Variants in SLC35D4 observed in about 807,000 individuals in gnomAD.
SLC35D4 encodes the protein UDP-N-acetylglucosamine transporter SLC35D4.
the SLC35D4 span, among the ~76,000 whole-genome samples, chr18:23,376,592 G>T: frequency 6.6e-6 from 1 of 152,222 alleles, no homozygotes; most frequent in Non-Finnish European, 1.5e-5. Context: ...TCTTGGGGCT[G>T]CCCAGGAACA....
chr18:23,288,431 C>T, the SLC35D4 span, among the ~76,000 whole-genome samples: 1 of 152,174 alleles, frequency 6.6e-6, no homozygotes, highest in Non-Finnish European at 1.5e-5. Flanking sequence ...GGCCCCGTCC[C>T]TTCCCTACAC....
At chr18:23,343,607 T>A in the SLC35D4 span, among the ~76,000 whole-genome samples, 14 of 152,148 alleles carry the variant, frequency 9.2e-5, no homozygotes, top group African/African-American at 3.4e-4. Context: ...CCCAGGTTTG[T>A]TATATAGGTA....
chr18:23,393,909 G>T, the SLC35D4 span, among the ~76,000 whole-genome samples: 1 of 152,200 alleles, frequency 6.6e-6, no homozygotes, highest in Non-Finnish European at 1.5e-5. Flanking sequence ...GTGAGACACT[G>T]TGCCCAGCCC....
the SLC35D4 span, among the ~76,000 whole-genome samples, chr18:23,272,544 A>G: frequency 6.6e-6 from 1 of 152,154 alleles, no homozygotes; most frequent in African/African-American, 2.4e-5. Flanking sequence ...GGGGATGAGT[A>G]GGAGATCAGA....
chr18:23,385,395 C>T, the SLC35D4 span, among the ~76,000 whole-genome samples: 1 of 152,202 alleles, frequency 6.6e-6, no homozygotes, highest in East Asian at 1.9e-4. Context: ...GGCAAAAGTG[C>T]ACCCCGCCCG....
chr18:23,310,212 TC>T, the SLC35D4 span: 1 of 985,414 alleles, frequency 1.0e-6, no homozygotes, highest in South Asian at 4.7e-5. Context: ...CATCTCTCCG[TC>T]CTCACCTAAT....
the SLC35D4 span, among the ~76,000 whole-genome samples, chr18:23,264,063 C>T: frequency 2.0e-5 from 3 of 152,222 alleles, no homozygotes; most frequent in African/African-American, 7.2e-5. Flanking sequence ...AATGAGCCAT[C>T]GCAAAACAAA....
At chr18:23,343,494 G>A in the SLC35D4 span, among the ~76,000 whole-genome samples, 5 of 152,064 alleles carry the variant, frequency 3.3e-5, no homozygotes, top group East Asian at 1.9e-4. Context: ...GCTCACCTCC[G>A]CCTCTCAAAG....
the SLC35D4 span, among the ~76,000 whole-genome samples, chr18:23,432,598 T>C: frequency 9.9e-5 from 15 of 151,382 alleles, no homozygotes; most frequent in East Asian, 2.9e-3. Context: ...GGATAATCAC[T>C]TGAACCCGGG....
At chr18:23,348,280 G>GCA in the SLC35D4 span, among the ~76,000 whole-genome samples, 1 of 152,134 alleles carries the variant, frequency 6.6e-6, no homozygotes, top group Admixed American at 6.5e-5. Flanking sequence ...TATTCCATGT[G>GCA]CGCTTGAGAA....
At chr18:23,275,655 T>C in the SLC35D4 span, among the ~76,000 whole-genome samples, 3,613 of 139,024 alleles carry the variant, frequency 0.026, 59 homozygotes, top group Middle Eastern at 0.055. Flanking sequence ...TGCTGTGCTG[T>C]GCTTTGTTTG....
chr18:23,355,381 A>C, the SLC35D4 span, among the ~76,000 whole-genome samples: 5 of 152,230 alleles, frequency 3.3e-5, no homozygotes. Flanking sequence ...CTGCTTGCCC[A>C]TGCTGCCAAA....
chr18:23,371,923 C>CTTAT, the SLC35D4 span, among the ~76,000 whole-genome samples: 109,570 of 111,392 alleles, frequency 0.98, 54,068 homozygotes, highest in East Asian at 0.99. Context: ...TTATTTCTTC[C>CTTAT]TTGTTTTTTT....
the SLC35D4 span, among the ~76,000 whole-genome samples, chr18:23,430,938 A>T: frequency 6.6e-6 from 1 of 151,996 alleles, no homozygotes; most frequent in Non-Finnish European, 1.5e-5. Context: ...GGCAGATCAC[A>T]AGGTGAGGAG....
the SLC35D4 span, among the ~76,000 whole-genome samples, chr18:23,320,282 G>A: frequency 2.6e-5 from 4 of 151,990 alleles, no homozygotes; most frequent in African/African-American, 9.7e-5. Flanking sequence ...CGTGCCCAGT[G>A]GGCTCTTAGA....
At chr18:23,317,659 TACA>T in the SLC35D4 span, among the ~76,000 whole-genome samples, 2 of 152,186 alleles carry the variant, frequency 1.3e-5, no homozygotes, top group Non-Finnish European at 2.9e-5. Context: ...TGTGTCCCCA[TACA>T]ACTACTTTTC....
the SLC35D4 span, among the ~76,000 whole-genome samples, chr18:23,285,794 C>G: frequency 6.6e-6 from 1 of 152,160 alleles, no homozygotes; most frequent in Non-Finnish European, 1.5e-5. Context: ...CACACCGGGT[C>G]CGGCTTACGG....
chr18:23,374,495 T>G, the SLC35D4 span, among the ~76,000 whole-genome samples: 1 of 151,954 alleles, frequency 6.6e-6, no homozygotes, highest in Non-Finnish European at 1.5e-5. Flanking sequence ...CTTTTTTTTT[T>G]TTTTTTTGAG....
At chr18:23,418,395 A>G in the SLC35D4 span, among the ~76,000 whole-genome samples, 10 of 141,414 alleles carry the variant, frequency 7.1e-5, no homozygotes, top group South Asian at 1.5e-3. Flanking sequence ...TTTTTGAGAC[A>G]GGGTCTCACT....
Sources: gnomAD v4.1 joint callset for allele counts (sites outside exome capture counted in the v4.1 genomes callset) on GRCh38, gnomAD v4.1.1 for gene constraint, MANE v1.5 for transcripts, NCBI Gene and HGNC (gene_info 2026-07-23, HGNC 2026-07-21) for gene names.